Variants in GLYATL3 observed in about 807,000 individuals in gnomAD.
GLYATL3 encodes the protein glycine N-acyltransferase-like protein 3.
In GLYATL3, 31 loss-of-function variants were observed where a neutral mutation model predicts 28.5. The ratio of observed to expected loss-of-function variants is 1.09; its 90% CI spans 0.82 to 1.47. The LOEUF (loss-of-function observed/expected upper bound fraction) is 1.47, where lower values mean the gene tolerates loss of function less well. GLYATL3 is among the 40% of genes most tolerant of loss of function. GLYATL3 has a pLI of 0.00. For synonymous variants in GLYATL3, 141 were observed against 140.2 expected, an observed-to-expected ratio of 1.01 and a Z score of -0.04; for missense variants, 369 against 351.5, an observed-to-expected ratio of 1.05 and a Z score of -0.40.
At chr6:49,525,790 A>G (rs1769400409) in intron 5 of GLYATL3, among the ~76,000 whole-genome samples, 1 of 152,082 alleles carries the variant, frequency 6.6e-6, no homozygotes, top group African/African-American at 2.4e-5. Context: ...ATTGACTTGT[A>G]TAACAAACTC....
intron 1 of GLYATL3, among the ~76,000 whole-genome samples, chr6:49,510,484 C>T (rs911225407): frequency 6.6e-6 from 1 of 152,290 alleles, no homozygotes; most frequent in East Asian, 1.9e-4. Flanking sequence ...AGACATCAAA[C>T]CTAATTAAGA....
chr6:49,504,381 T>C (rs1307412247), intron 1 of GLYATL3, among the ~76,000 whole-genome samples: 2 of 152,072 alleles, frequency 1.3e-5, no homozygotes, highest in Non-Finnish European at 2.9e-5. Context: ...GAGATTGATA[T>C]TCACCTGGGG....
chr6:49,513,079 T>C (rs959756716), intron 2 of GLYATL3, among the ~76,000 whole-genome samples: 22 of 152,216 alleles, frequency 1.4e-4, no homozygotes, highest in Non-Finnish European at 7.3e-5. Context: ...TTTAATAATA[T>C]GTCCAAATAA....
At position 49,504,996 on chromosome 6, in the gene GLYATL3, T is replaced by C. The variant is rs560136292; in HGVS notation, c.-29+4954T>C. 4.6e-5 allele frequency among the ~76,000 whole-genome samples: 7 copies of C among 152,262 alleles called. No individual in the cohort carries two copies. The South Asian group carries it at 1.5e-3, about 32-fold the overall frequency. On this transcript the variant is annotated intron_variant, in intron 1 of 5. Coordinates refer to ENST00000371197, the MANE Select transcript of GLYATL3 (RefSeq NM_001010904.2). ...GGCCTCGGGGATTAACTCCGAGAGA[T>C]TGTGTGGTTAAGACAAGAACCTGAC...
At chr6:49,514,075 T>C (rs562151646) in intron 2 of GLYATL3, among the ~76,000 whole-genome samples, 27 of 152,226 alleles carry the variant, frequency 1.8e-4, no homozygotes, top group Non-Finnish European at 3.7e-4. Flanking sequence ...TTATGAAATT[T>C]AATTAATGAA....
In GLYATL3 at chr6:49,511,880, A is replaced by G. The variant is rs994276601; in HGVS notation, c.-28-83A>G. ...TGGCAGTCAGAATTATACCCAATGA[A>G]AATAGAATTACAAGAAAACTCCTAA... On this transcript the variant is annotated intron_variant, in intron 1 of 5. Coordinates refer to ENST00000371197, the MANE Select transcript of GLYATL3 (RefSeq NM_001010904.2). The G allele has an allele frequency of 5.5e-6, 3 of 546,784 alleles. No homozygotes were observed. In the African/African-American group the frequency reaches 5.8e-5, roughly 11 times the overall value. 33.9% of individuals were successfully genotyped at this position (546,784 alleles called of 1,614,324 possible). A position where few individuals can be genotyped will look rare whatever the true frequency, so the allele number is the denominator to read the frequency against.
At chr6:49,505,260 CAA>C (rs1243725428) in intron 1 of GLYATL3, among the ~76,000 whole-genome samples, 1 of 152,052 alleles carries the variant, frequency 6.6e-6, no homozygotes, top group Non-Finnish European at 1.5e-5. Context: ...TTTTTTGTAA[CAA>C]AGAGAACAAG....
rs549357059 is a variant in GLYATL3, at chr6:49,521,936, C to T, written c.440+165C>T. Among the ~76,000 whole-genome samples, 18 of 152,128 alleles carry T rather than the reference C, an allele frequency of 1.2e-4. No individual in the cohort carries two copies. The East Asian group carries it at 3.3e-3, about 28-fold the overall frequency. Reference sequence around the variant, plus strand: ...GTGTGAGTGTGTGTGTGTGTTTACTCTTCTCCTCTCTCCTGTGCTTGACTG... The same window carrying T: ...GTGTGAGTGTGTGTGTGTGTTTACTTTTCTCCTCTCTCCTGTGCTTGACTG... On this transcript the variant is annotated intron_variant, in intron 5 of 5. Transcript: ENST00000371197.
At chr6:49,524,030 A>C (rs572668063) in intron 5 of GLYATL3, among the ~76,000 whole-genome samples, 2 of 151,654 alleles carry the variant, frequency 1.3e-5, no homozygotes, top group African/African-American at 4.8e-5. Flanking sequence ...CTTCCCACAC[A>C]ACACTGATGC....
At position 49,526,528 on chromosome 6, in the gene GLYATL3, A is replaced by G. The variant is rs9367359; in HGVS notation, c.481A>G (p.Asn161Asp). Reference sequence around the variant, plus strand: ...ACGACTAACCTACCTGAGTGTTGCCAATGCGGATCTACTCAACCGGACTTG... The same window carrying G: ...ACGACTAACCTACCTGAGTGTTGCCGATGCGGATCTACTCAACCGGACTTG... ...SPRLTYLSVA[N>D]ADLLNRTWSR... Residue 161 changes from asparagine (N) to aspartate (D), a missense_variant, in exon 6 of 6, where the codon AAT becomes GAT. By Grantham distance (23) the Asn-to-Asp change is conservative. Transcript: ENST00000371197. The G allele has an allele frequency of 0.61, 948,213 of 1,551,222 alleles. 295,737 individuals carry two copies. The highest frequency in any genetic ancestry group is 0.65 in the Non-Finnish European group (743,643 of 1,146,704).
At chr6:49,515,548 C>T in intron 2 of GLYATL3, 105 bp from the exon 3 acceptor site, 5 of 625,262 alleles carry the variant, frequency 8.0e-6, no homozygotes, top group South Asian at 2.1e-5. Context: ...TATAATTTCC[C>T]CTCTTGTGGA....
chr6:49,516,315 G>C (rs185475367), intron 3 of GLYATL3, among the ~76,000 whole-genome samples: 2 of 152,154 alleles, frequency 1.3e-5, no homozygotes, highest in Admixed American at 1.3e-4. Flanking sequence ...GTCCAAACAT[G>C]TTCAATAAAG....
intron 1 of GLYATL3, among the ~76,000 whole-genome samples, chr6:49,503,460 A>G (rs1768950010): frequency 6.6e-6 from 1 of 152,256 alleles, no homozygotes; most frequent in South Asian, 2.1e-4. Flanking sequence ...CTTAAAAGGA[A>G]AAAAGGAGTT....
rs1300683219 is a variant in GLYATL3 at position 49,526,799 on chromosome 6, A to G, written c.752A>G (p.Asp251Gly). 2 of 1,552,036 alleles carry G rather than the reference A, an allele frequency of 1.3e-6. No individual in the cohort carries two copies. Among genetic ancestry groups the G allele is most frequent in the Non-Finnish European group, 1.7e-6 (2 of 1,147,064 alleles). Reference protein sequence around the residue: ...RGFPSQGNVLDDNTASISLLK... With the variant: ...RGFPSQGNVLGDNTASISLLK... ...TTCCCCTCTCAGGGGAACGTCCTGG[A>G]TGACAACACGGCGTCTATAAGCCTC... is the stretch of plus-strand genomic sequence containing the variant. The change falls in exon 6 of 6, where the codon GAT (aspartate) becomes GGT (glycine). Residue 251 changes from aspartate to glycine, a missense_variant. By Grantham distance (94) the Asp-to-Gly change is moderately conservative (BLOSUM62 -1). Transcript: ENST00000371197.
chr6:49,521,421 G>A (rs1464587855), intron 4 of GLYATL3, among the ~76,000 whole-genome samples: 2 of 152,144 alleles, frequency 1.3e-5, no homozygotes, highest in African/African-American at 2.4e-5. Flanking sequence ...ATCGTGATGA[G>A]TGGTCCCAAT....
chr6:49,505,726 T>G (rs1406912812), intron 1 of GLYATL3, among the ~76,000 whole-genome samples: 1 of 152,188 alleles, frequency 6.6e-6, no homozygotes, highest in East Asian at 1.9e-4. Context: ...GCCAGAAATT[T>G]TAGTGACACA....
intron 1 of GLYATL3, among the ~76,000 whole-genome samples, chr6:49,510,000 T>C (rs867645737): frequency 7.2e-6 from 1 of 139,200 alleles, no homozygotes; most frequent in African/African-American, 2.7e-5. Flanking sequence ...CTTTCTTTCT[T>C]TCTCTTTCTT....
intron 1 of GLYATL3, among the ~76,000 whole-genome samples, chr6:49,511,380 T>C (rs771732224): frequency 5.3e-5 from 8 of 152,176 alleles, no homozygotes; most frequent in South Asian, 2.1e-4. Flanking sequence ...TCATCTTCAA[T>C]CTAGGTATTT....
intron 1 of GLYATL3, 114 bp downstream of exon 1, chr6:49,500,156 G>C (rs1041718425): frequency 6.6e-6 from 1 of 152,144 alleles, no homozygotes; most frequent in Non-Finnish European, 1.5e-5. Context: ...CGAATACATT[G>C]TAATTAGGTT....
Sources: gnomAD v4.1 joint callset for allele counts (sites outside exome capture counted in the v4.1 genomes callset) on GRCh38, gnomAD v4.1.1 for gene constraint, MANE v1.5 for transcripts, NCBI Gene and HGNC (gene_info 2026-07-23, HGNC 2026-07-21) for gene names.